PFKM: variants seen among roughly 807,000 people sequenced by gnomAD.
PFKM encodes the protein phosphofructokinase, muscle.
Under a neutral mutation model 95.5 loss-of-function variants are expected in PFKM, and 58 were observed. That is an observed-to-expected ratio of 0.61 (90% CI 0.49 to 0.76). The LOEUF (loss-of-function observed/expected upper bound fraction) is 0.76. PFKM is among the 30% of genes least tolerant of loss of function. PFKM has a pLI of 0.00. For missense variants in PFKM, 678 were observed against 1,005.4 expected (o/e 0.67, Z 4.40); for synonymous variants, 336 against 357.2 (o/e 0.94, Z 0.67).
rs1949949131 is a variant in PFKM at position 48,135,099 on chromosome 12, G to A, written c.843+61G>A. On this transcript the variant is annotated intron_variant, in intron 9 of 22. Coordinates refer to ENST00000359794, the MANE Select transcript of PFKM (RefSeq NM_000289.6). ...CATAGCCCATTCCCTTCTGGCTTCT[G>A]AGTCTCCTGACATTGCTTCTCCCCT... 9.8e-6 allele frequency: 13 copies of A among 1,330,656 alleles called. No individual in the cohort carries two copies. In the South Asian group the frequency reaches 1.5e-4, roughly 16 times the overall value. 82.4% of individuals were successfully genotyped at this position (1,330,656 alleles called of 1,614,324 possible). A position where few individuals can be genotyped will look rare whatever the true frequency, so the allele number is the denominator to read the frequency against.
In PFKM at chr12:48,145,685, C is replaced by G; in HGVS notation, c.2320C>G (p.Arg774Gly). The stretch of plus-strand genomic sequence containing the variant: ...CCACCTGGAGCACATCACCCGGAAG[C>G]GGTCCGGGGAAGCTGCCGTCTAAAC... ...HAHLEHITRK[R>G]SGEAAV The change falls in exon 23 of 23, where the codon CGG (arginine) becomes GGG (glycine). Residue 774 changes from arginine to glycine, a missense_variant. Arg to Gly is a moderately radical substitution (Grantham distance 125). Coordinates refer to ENST00000359794, the MANE Select transcript of PFKM (RefSeq NM_000289.6). This position sits in a 1 kb window ranked among gnomAD's most constrained non-coding sequence, Gnocchi z 4.3. The G allele has an allele frequency of 1.2e-6, 2 of 1,614,178 alleles. No individual in the cohort carries two copies. Among genetic ancestry groups the G allele is most frequent in the Non-Finnish European group, 1.7e-6 (2 of 1,180,006 alleles).
At chr12:48,139,708 C>T in intron 12 of PFKM, 141 bp from the exon 13 acceptor site, 3 of 717,684 alleles carry the variant, frequency 4.2e-6, no homozygotes, top group Non-Finnish European at 7.7e-6. Flanking sequence ...CTGCCCTGTC[C>T]CTGCTCTGCC....
At position 48,134,257 on chromosome 12, in the gene PFKM, G is replaced by C. The variant is rs574087792; in HGVS notation, c.619G>C (p.Val207Leu). 21 of 1,613,806 alleles carry C rather than the reference G, an allele frequency of 1.3e-5. No individual in the cohort carries two copies. The highest frequency in any genetic ancestry group is 1.6e-5 in the Non-Finnish European group (19 of 1,179,796). Residue 207 changes from valine (V) to leucine (L), a missense_variant, in exon 7 of 23, where the codon GTA (valine) becomes CTA (leucine). Val to Leu is a conservative substitution (Grantham distance 32). Transcript: ENST00000359794. ...CCACCAGAGGACATTTGTGTTAGAAGTAATGGGCCGCCACTGTGGGTAAGA... is the reference window on the plus strand; with the variant it reads ...CCACCAGAGGACATTTGTGTTAGAACTAATGGGCCGCCACTGTGGGTAAGA... The part of the protein sequence containing the change: ...QSHQRTFVLE[V>L]MGRHCGYLAL...
chr12:48,141,225 G>C (rs1364921522), intron 14 of PFKM, 86 bp from the exon 15 acceptor site: 3 of 1,253,296 alleles, frequency 2.4e-6, no homozygotes, highest in Non-Finnish European at 3.5e-6. Flanking sequence ...CCAGGGGTAG[G>C]GTTAGAACTC....
intron 11 of PFKM, among the ~76,000 whole-genome samples, chr12:48,138,580 C>T (rs114362146): frequency 6.6e-6 from 1 of 152,344 alleles, no homozygotes; most frequent in African/African-American, 2.4e-5. Context: ...CACTGCCCCA[C>T]AGAGCTGAAA....
At chr12:48,123,181 G>A (rs1458805379) in intron 2 of PFKM, among the ~76,000 whole-genome samples, 1 of 152,136 alleles carries the variant, frequency 6.6e-6, no homozygotes, top group Non-Finnish European at 1.5e-5. Flanking sequence ...GGCAGTAAGT[G>A]GATTAACTTC....
At chr12:48,109,298 T>A (rs1250913123) in intron 3 of PFKM, among the ~76,000 whole-genome samples, 4 of 151,870 alleles carry the variant, frequency 2.6e-5, no homozygotes, top group South Asian at 2.1e-4. Flanking sequence ...AGAGCCAGCT[T>A]TTCTTTTCCT....
intron 2 of PFKM, 49 bp from the exon 3 acceptor site, chr12:48,130,314 C>A: frequency 1.5e-6 from 2 of 1,367,908 alleles, no homozygotes; most frequent in South Asian, 2.3e-5. Flanking sequence ...TCCAGGGCGC[C>A]TTTTCTTAGG....
chr12:48,105,748 G>T (rs1489919642), upstream of PFKM: 4 of 541,872 alleles, frequency 7.4e-6, no homozygotes, highest in Non-Finnish European at 1.0e-5. Flanking sequence ...GGGGCCTGCT[G>T]TAACGGCAGG....
chr12:48,118,086 T>C (rs1947835185), upstream of PFKM, among the ~76,000 whole-genome samples: 2 of 152,190 alleles, frequency 1.3e-5, no homozygotes, highest in South Asian at 4.1e-4. Context: ...ATTGTAAATG[T>C]TTCTTATCAG....
chr12:48,141,087 C>T (rs929694109), intron 14 of PFKM, among the ~76,000 whole-genome samples: 1 of 152,166 alleles, frequency 6.6e-6, no homozygotes, highest in Non-Finnish European at 1.5e-5. Context: ...AATTCTCTGT[C>T]CCAAAGCTCA....
At position 48,108,911 on chromosome 12, in the gene PFKM, T is replaced by C. The variant is rs1027927226; in HGVS notation, c.205+717T>C. 2.6e-5 allele frequency among the ~76,000 whole-genome samples: 4 copies of C among 152,236 alleles called. No homozygotes were observed. The South Asian group carries it at 8.3e-4, about 31-fold the overall frequency. On this transcript the variant is annotated intron_variant, in intron 3 of 24. Transcript: ENST00000340802. ...GCGATTATTTACCCCAACTCTCTTATATTTTCAGAAGGAACTCAGGACTAA... is the reference window on the plus strand; with the variant it reads ...GCGATTATTTACCCCAACTCTCTTACATTTTCAGAAGGAACTCAGGACTAA...
intron 4 of PFKM, 54 bp downstream of exon 4, chr12:48,131,447 ACT>A: frequency 7.6e-7 from 1 of 1,313,130 alleles, no homozygotes. Flanking sequence ...GTTTCATCCC[ACT>A]CTGTTTTGGG....
At chr12:48,111,886 A>G (rs1227884571) in intron 3 of PFKM, among the ~76,000 whole-genome samples, 1 of 152,216 alleles carries the variant, frequency 6.6e-6, no homozygotes, top group African/African-American at 2.4e-5. Flanking sequence ...CAGAAAGTAT[A>G]TGCATCAGGT....
At chr12:48,142,221 C>T in intron 17 of PFKM, 155 bp downstream of exon 17, 2 of 829,602 alleles carry the variant, frequency 2.4e-6, no homozygotes, top group Non-Finnish European at 4.0e-6. Context: ...ACTTCTAATC[C>T]CAGCACTTTG....
upstream of PFKM, chr12:48,119,171 C>T (rs1215628788): frequency 1.4e-5 from 7 of 500,690 alleles, no homozygotes; most frequent in Admixed American, 6.4e-5. Flanking sequence ...GGAACTAAGC[C>T]GCTGCCATAT....
chr12:48,143,019 T>C (rs1950710285), intron 18 of PFKM, 73 bp downstream of exon 18: 1 of 1,435,948 alleles, frequency 7.0e-7, no homozygotes, highest in Admixed American at 1.8e-5. Context: ...ATCTGAACTA[T>C]GAGAGCTCAA....
At chr12:48,135,928 T>TGTCG (rs1245894923) in intron 10 of PFKM, among the ~76,000 whole-genome samples, 36,834 of 151,352 alleles carry the variant, frequency 0.24, 4,809 homozygotes, top group Non-Finnish European at 0.31. Context: ...TTGCACTCGC[T>TGTCG]CCCAGGCTGG....
chr12:48,122,519 G>A (rs1310673246), intron 1 of PFKM: 4 of 1,245,540 alleles, frequency 3.2e-6, no homozygotes, highest in African/African-American at 3.0e-5. Flanking sequence ...CAATTGGGGT[G>A]GGAGGGATCA....
Sources: allele counts gnomAD v4.1 joint callset (sites outside exome capture counted in the v4.1 genomes callset), GRCh38; gene constraint gnomAD v4.1.1; non-coding constraint Gnocchi (gnomAD v3.1); transcripts MANE v1.5; gene names NCBI Gene and HGNC (gene_info 2026-07-23, HGNC 2026-07-21).